The following FHOD3 variants were observed in gnomAD, a reference collection of about 807,000 sequenced individuals.
FHOD3 encodes formin homology 2 domain containing 3.
FHOD3 carries 90 observed loss-of-function variants against 173.0 expected under a neutral mutation model. The observed-to-expected ratio is 0.52, with a 90% CI of 0.44 to 0.62. The LOEUF (loss-of-function observed/expected upper bound fraction) is 0.62, where lower values mean the gene tolerates loss of function less well. FHOD3 is among the 20% of genes least tolerant of loss of function. The pLI is 0.00. For synonymous variants in FHOD3, 828 were observed against 823.0 expected, an observed-to-expected ratio of 1.01 and a Z score of -0.10; for missense variants, 1,945 against 2,034.7, an observed-to-expected ratio of 0.96 and a Z score of 0.85.
At chr18:36,499,941 T>G (rs938119399) in intron 3 of FHOD3, among the ~76,000 whole-genome samples, 2 of 152,224 alleles carry the variant, frequency 1.3e-5, no homozygotes, top group Admixed American at 6.5e-5. Context: ...ACAGGGAATC[T>G]TTGGAGTCAC....
At chr18:36,430,682 A>G (rs559785956) in intron 3 of FHOD3, among the ~76,000 whole-genome samples, 3 of 152,358 alleles carry the variant, frequency 2.0e-5, no homozygotes, top group African/African-American at 7.2e-5. Context: ...CCAGAAATGA[A>G]TATGGGTTAG....
In FHOD3 at chr18:36,718,510, A is replaced by T; in HGVS notation, c.3212A>T (p.Gln1071Leu). Residue 1071 changes from glutamine (Q) to leucine (L), a missense_variant, in exon 19 of 29, where the codon CAG becomes CTG. By Grantham distance (113) the Gln-to-Leu change is moderately radical (BLOSUM62 -2). This residue lies in a region of FHOD3 where 1,099 missense variants were observed against 1,051.2 expected (regional missense o/e 1.05). Coordinates refer to ENST00000590592, the MANE Select transcript of FHOD3 (RefSeq NM_001281740.3). ...FNAPQGLGWS[Q>L]VPRGQPTFTK... ...GCTCCTCAGGGCTTAGGGTGGTCCC[A>T]GGTACCCAGGGGTCAGCCCACATTC... 6.2e-7 allele frequency: 1 copy of T among 1,613,198 alleles called. No homozygotes were observed. The highest frequency in any genetic ancestry group is 8.5e-7 in the Non-Finnish European group (1 of 1,179,900).
chr18:36,301,656 T>C (rs1568092247), intron 1 of FHOD3, among the ~76,000 whole-genome samples: 1 of 152,242 alleles, frequency 6.6e-6, no homozygotes, highest in Non-Finnish European at 1.5e-5. Flanking sequence ...ATGGTAATTA[T>C]AGGAGTTCTA....
chr18:36,474,618 G>A (rs901810856), intron 3 of FHOD3, among the ~76,000 whole-genome samples: 7 of 152,136 alleles, frequency 4.6e-5, no homozygotes, highest in African/African-American at 1.7e-4. Flanking sequence ...TTTGAGGAGT[G>A]GTGGGATACA....
intron 3 of FHOD3, among the ~76,000 whole-genome samples, chr18:36,459,145 T>C (rs141268053): frequency 2.7e-4 from 3 of 11,190 alleles, no homozygotes; most frequent in African/African-American, 1.3e-3. Flanking sequence ...TTAATGGGCA[T>C]TTTTATGGCC....
chr18:36,731,550 A>G (rs943269160), intron 20 of FHOD3, among the ~76,000 whole-genome samples: 5 of 152,176 alleles, frequency 3.3e-5, no homozygotes, highest in African/African-American at 4.8e-5. Flanking sequence ...GGATCTGGGG[A>G]CACTGCTTTG....
intron 3 of FHOD3, among the ~76,000 whole-genome samples, chr18:36,476,631 C>T (rs569673947): frequency 4.8e-4 from 73 of 152,266 alleles, no homozygotes; most frequent in African/African-American, 1.2e-3. Context: ...TGAATCCTCA[C>T]GATCAAAGGC....
At chr18:36,650,551 G>A (rs1380783826) in intron 11 of FHOD3, among the ~76,000 whole-genome samples, 2 of 152,228 alleles carry the variant, frequency 1.3e-5, no homozygotes, top group Non-Finnish European at 2.9e-5. Flanking sequence ...AGACCCTGCC[G>A]TGCTTAGAGC....
At chr18:36,553,795 A>G (rs2057760171) in intron 5 of FHOD3, among the ~76,000 whole-genome samples, 1 of 152,202 alleles carries the variant, frequency 6.6e-6, no homozygotes, top group Non-Finnish European at 1.5e-5. Context: ...ACAAGAAAAA[A>G]ATCAAACAAC....
chr18:36,701,294 A>G (rs1212911947), intron 17 of FHOD3, among the ~76,000 whole-genome samples: 1 of 152,194 alleles, frequency 6.6e-6, no homozygotes, highest in Non-Finnish European at 1.5e-5. Flanking sequence ...TGGTATAATT[A>G]ATAGAGAGGA....
At position 36,652,754 on chromosome 18, in the gene FHOD3, C is replaced by T. The variant is rs540287081; in HGVS notation, c.1471C>T (p.Pro491Ser). ...GGCCACCCCATCTGCCCTCCTGTCA[C>T]CCCCTGCCTCAGCTGCTCGGCCCTC... ...SEATPSALLS[P>S]PASAARPSSA... The change falls in exon 12 of 29, where the codon CCC becomes TCC. Residue 491 changes from proline (P) to serine (S), a missense_variant. Pro to Ser is a moderately conservative substitution (Grantham distance 74, BLOSUM62 -1). Around this residue, in one of 5 missense-constraint regions of FHOD3, gnomAD observed 1,099 missense variants for 1,051.2 expected, o/e 1.05. Transcript: ENST00000590592. The T allele has an allele frequency of 4.9e-5, 75 of 1,535,844 alleles. No individual in the cohort carries two copies. The highest frequency in any genetic ancestry group is 6.4e-5 in the Non-Finnish European group (73 of 1,146,746).
chr18:36,475,623 CTG>C (rs2053522829), intron 3 of FHOD3, among the ~76,000 whole-genome samples: 1 of 152,074 alleles, frequency 6.6e-6, no homozygotes, highest in East Asian at 1.9e-4. Flanking sequence ...GGTACAGAAA[CTG>C]TTACTCATGC....
At chr18:36,360,857 A>G (rs34788150) in intron 2 of FHOD3, among the ~76,000 whole-genome samples, 66,775 of 152,018 alleles carry the variant, frequency 0.44, 14,927 homozygotes, top group South Asian at 0.54. Flanking sequence ...TAATACAAAA[A>G]TTAACCTCAC....
intron 3 of FHOD3, among the ~76,000 whole-genome samples, chr18:36,440,626 A>G (rs1184098463): frequency 6.6e-6 from 1 of 152,190 alleles, no homozygotes; most frequent in African/African-American, 2.4e-5. Context: ...GACTCTGAAG[A>G]TTATCTTGAG....
chr18:36,460,920 C>T (rs77257768), intron 3 of FHOD3, among the ~76,000 whole-genome samples: 7,781 of 152,198 alleles, frequency 0.051, 617 homozygotes, highest in African/African-American at 0.18. Flanking sequence ...CTCCCTGGAA[C>T]CCAAGGTGCT....
intron 5 of FHOD3, among the ~76,000 whole-genome samples, chr18:36,557,492 G>T (rs567991674): frequency 1.3e-5 from 2 of 151,780 alleles, no homozygotes; most frequent in South Asian, 2.1e-4. Context: ...GTTCAATTTC[G>T]GTGTCTTTAC....
rs747089614 is a variant in FHOD3, at chr18:36,652,755, C to A, written c.1472C>A (p.Pro491His). ...GCCACCCCATCTGCCCTCCTGTCAC[C>A]CCCTGCCTCAGCTGCTCGGCCCTCC... ...SEATPSALLS[P>H]PASAARPSSA... Residue 491 changes from proline to histidine, a missense_variant, in exon 12 of 29, where the codon CCC becomes CAC. By Grantham distance (77) the Pro-to-His change is moderately conservative (BLOSUM62 -2). Transcript: ENST00000590592. 19 of 1,535,936 alleles carry A rather than the reference C, an allele frequency of 1.2e-5. No individual in the cohort carries two copies. Among genetic ancestry groups the A allele is most frequent in the East Asian group, 2.4e-5 (1 of 40,896 alleles).
At chr18:36,361,557 G>T (rs568131895) in intron 2 of FHOD3, among the ~76,000 whole-genome samples, 1 of 151,790 alleles carries the variant, frequency 6.6e-6, no homozygotes, top group African/African-American at 2.4e-5. Flanking sequence ...GTGGTGGCAC[G>T]TGCTTGTAGT....
At chr18:36,737,376 T>C (rs927751252) in intron 20 of FHOD3, among the ~76,000 whole-genome samples, 1 of 152,206 alleles carries the variant, frequency 6.6e-6, no homozygotes, top group African/African-American at 2.4e-5. Context: ...TAGAGAAGCA[T>C]TTATTTTGAA....
Sources: gnomAD v4.1 joint callset for allele counts (sites outside exome capture counted in the v4.1 genomes callset) on GRCh38, gnomAD v4.1.1 for gene constraint, gnomAD v4.1.1 regional missense constraint, MANE v1.5 for transcripts, NCBI Gene and HGNC (gene_info 2026-07-23, HGNC 2026-07-21) for gene names.